ADGRL2: variants seen among roughly 807,000 people sequenced by gnomAD.
ADGRL2 encodes adhesion G protein-coupled receptor L2, also known as calcium-independent alpha-latrotoxin receptor 2.
ADGRL2 carries 44 observed loss-of-function variants against 157.4 expected under a neutral mutation model. The ratio of observed to expected loss-of-function variants is 0.28; its 90% CI spans 0.22 to 0.36. ADGRL2 has a LOEUF of 0.36. ADGRL2 is among the 10% of genes least tolerant of loss of function. The pLI is 1.00. For missense variants in ADGRL2, 1,510 were observed against 1,768.9 expected, an observed-to-expected ratio of 0.85 and a Z score of 2.63; for synonymous variants, 585 against 624.7, an observed-to-expected ratio of 0.94 and a Z score of 0.95.
At chr1:81,933,077 G>T (rs983905783) in intron 3 of ADGRL2, among the ~76,000 whole-genome samples, 25 of 152,098 alleles carry the variant, frequency 1.6e-4, no homozygotes, top group African/African-American at 5.8e-4. Flanking sequence ...GGAAACTACT[G>T]CTTTCACTAT....
At chr1:81,687,106 A>G (rs901850933) in intron 3 of ADGRL2, among the ~76,000 whole-genome samples, 7 of 152,036 alleles carry the variant, frequency 4.6e-5, no homozygotes, top group African/African-American at 7.2e-5. Context: ...ATGTGTGTGT[A>G]TTCTGTTGTT....
chr1:81,927,204 T>C (rs1283076141), intron 3 of ADGRL2, among the ~76,000 whole-genome samples: 1 of 152,026 alleles, frequency 6.6e-6, no homozygotes, highest in Non-Finnish European at 1.5e-5. Context: ...AGGATTTTAC[T>C]GTCAAGCTTT....
At position 81,528,326 on chromosome 1, in the gene ADGRL2, T is replaced by C. The variant is rs1449330457; in HGVS notation, c.-247-52550T>C. 3.3e-5 allele frequency among the ~76,000 whole-genome samples: 5 copies of C among 152,038 alleles called. No individual in the cohort carries two copies. In the East Asian group the frequency reaches 7.8e-4, roughly 24 times the overall value. ...TCCCATGAGTGCTATAGGAATTAGATAGAAGGTAGCTGAGGTTCTTTAGAA... is the reference window on the plus strand; with the variant it reads ...TCCCATGAGTGCTATAGGAATTAGACAGAAGGTAGCTGAGGTTCTTTAGAA... On this transcript the variant is annotated intron_variant, in intron 2 of 24. Coordinates refer to the ADGRL2 transcript ENST00000370721.
At chr1:81,925,020 G>A (rs1007151275) in intron 3 of ADGRL2, among the ~76,000 whole-genome samples, 1 of 152,086 alleles carries the variant, frequency 6.6e-6, no homozygotes, top group African/African-American at 2.4e-5. Flanking sequence ...TTCCTGAGGG[G>A]AGTTGGGATA....
chr1:81,431,389 G>T (rs1456823183), intron 1 of ADGRL2, among the ~76,000 whole-genome samples: 2 of 152,154 alleles, frequency 1.3e-5, no homozygotes, highest in African/African-American at 4.8e-5. Context: ...AAATCCCCAT[G>T]AACCATGCCA....
At position 81,792,370 on chromosome 1, in the gene ADGRL2, G is replaced by A. The variant is rs138308969; in HGVS notation, c.-101+30518G>A. Among the ~76,000 whole-genome samples, 498 of 152,288 alleles carry A rather than the reference G, an allele frequency of 3.3e-3. 5 individuals carry two copies. Among genetic ancestry groups the A allele is most frequent in the African/African-American group, 0.011 (447 of 41,566 alleles). ...AGCAACACCAAGTCACACTGGTGAT[G>A]TCAAGGACAATGTATTCTGAATTCC... On this transcript the variant is annotated intron_variant, in intron 2 of 20. Transcript: ENST00000359929.
chr1:81,761,761 T>A (rs1191483684), intron 1 of ADGRL2: 2 of 152,068 alleles, frequency 1.3e-5, no homozygotes, highest in Non-Finnish European at 2.9e-5. Flanking sequence ...GCAGTTAGGA[T>A]CCCTGTGGAT....
At chr1:81,615,691 C>T (rs1369307321) in intron 3 of ADGRL2, among the ~76,000 whole-genome samples, 2 of 152,168 alleles carry the variant, frequency 1.3e-5, no homozygotes, top group African/African-American at 4.8e-5. Context: ...CCATTCATCC[C>T]TTCAAGGAGC....
intron 2 of ADGRL2, among the ~76,000 whole-genome samples, chr1:81,487,948 G>T (rs116076507): frequency 1.3e-5 from 2 of 151,858 alleles, no homozygotes; most frequent in Non-Finnish European, 2.9e-5. Flanking sequence ...AAAAATATGC[G>T]CAAGGCACCC....
chr1:81,645,833 G>A (rs1360353421), intron 3 of ADGRL2, among the ~76,000 whole-genome samples: 1 of 151,932 alleles, frequency 6.6e-6, no homozygotes, highest in East Asian at 1.9e-4. Flanking sequence ...ATCTTAGCGT[G>A]TATCTCTTTG....
chr1:81,934,386 A>G (rs2095278887), intron 3 of ADGRL2, among the ~76,000 whole-genome samples: 1 of 152,028 alleles, frequency 6.6e-6, no homozygotes, highest in South Asian at 2.1e-4. Flanking sequence ...AACATACAGT[A>G]AAAGATCTCT....
At chr1:81,626,029 C>G (rs2081901708) in intron 3 of ADGRL2, among the ~76,000 whole-genome samples, 1 of 152,134 alleles carries the variant, frequency 6.6e-6, no homozygotes, top group East Asian at 1.9e-4. Context: ...GACACAATAA[C>G]AATCCCAAGT....
chr1:81,863,451 C>T (rs1273259755), intron 2 of ADGRL2, among the ~76,000 whole-genome samples: 1 of 152,114 alleles, frequency 6.6e-6, no homozygotes, highest in Admixed American at 6.6e-5. Context: ...AAAAAACTCT[C>T]TAAAATTATA....
At chr1:81,868,283 G>A (rs190298825) in intron 2 of ADGRL2, among the ~76,000 whole-genome samples, 1 of 152,024 alleles carries the variant, frequency 6.6e-6, no homozygotes, top group East Asian at 1.9e-4. Flanking sequence ...TTACAAATAG[G>A]GTATGTTCTA....
intron 1 of ADGRL2, among the ~76,000 whole-genome samples, chr1:81,809,033 TA>T (rs2089521465): frequency 6.6e-6 from 1 of 152,102 alleles, no homozygotes; most frequent in South Asian, 2.1e-4. Flanking sequence ...AGCCCAGATG[TA>T]ATGTCTCCCT....
chr1:81,423,480 G>T lies in ADGRL2; in HGVS notation c.-301-21556G>T, dbSNP rs556591779. On this transcript the variant is annotated intron_variant, in intron 1 of 24. Coordinates refer to the ADGRL2 transcript ENST00000370721. ...CCAGAATGTTCACTGGTTAAGTGAG[G>T]CCCTAAAACTTGAAAGGATCTGTGT... is the stretch of plus-strand genomic sequence containing the variant. 9.9e-5 allele frequency among the ~76,000 whole-genome samples: 15 copies of T among 152,270 alleles called. No individual in the cohort carries two copies. In the South Asian group the frequency reaches 3.1e-3, roughly 32 times the overall value.
chr1:81,952,895 G>A (rs2149096071), intron 9 of ADGRL2, 92 bp from the exon 10 acceptor site: 3 of 1,013,526 alleles, frequency 3.0e-6, no homozygotes, highest in Non-Finnish European at 4.7e-6. Context: ...TCGAGCTCTG[G>A]AACACCAGCT....
chr1:81,944,347 A>G (rs568898539), intron 6 of ADGRL2, among the ~76,000 whole-genome samples: 1 of 152,210 alleles, frequency 6.6e-6, no homozygotes, highest in South Asian at 2.1e-4. Context: ...CGATCACATG[A>G]ACCAAACTTT....
intron 12 of ADGRL2, 95 bp downstream of exon 12, chr1:81,966,278 A>T: frequency 6.5e-7 from 1 of 1,548,190 alleles, no homozygotes; most frequent in Non-Finnish European, 8.8e-7. Flanking sequence ...TAACAAAAAA[A>T]CGGCTTACCA....
Sources: allele counts gnomAD v4.1 joint callset (sites outside exome capture counted in the v4.1 genomes callset), GRCh38; gene constraint gnomAD v4.1.1; transcripts MANE v1.5; gene names NCBI Gene and HGNC (gene_info 2026-07-23, HGNC 2026-07-21).